PWWP3A: variants seen among roughly 807,000 people sequenced by gnomAD.
The protein encoded by PWWP3A is PWWP domain-containing DNA repair factor 3A.
Under a neutral mutation model 79.0 loss-of-function variants are expected in PWWP3A, and 53 were observed. That is an observed-to-expected ratio of 0.67 (90% CI 0.54 to 0.84). The LOEUF is 0.84. PWWP3A is among the 40% of genes least tolerant of loss of function. The probability of loss-of-function intolerance (pLI) is 0.00; values close to 1 mark genes in which losing one functional copy is unlikely to be tolerated. For synonymous variants in PWWP3A, 443 were observed against 394.4 expected, an observed-to-expected ratio of 1.12 and a Z score of -1.46; for missense variants, 973 against 948.0, an observed-to-expected ratio of 1.03 and a Z score of -0.35.
chr19:1,362,425 G>A (rs1242211549), intron 6 of PWWP3A, 74 bp downstream of exon 6: 13 of 1,172,754 alleles, frequency 1.1e-5, no homozygotes, highest in Admixed American at 8.6e-5. Context: ...CTCCGAGACC[G>A]GGCCCCACAT....
intron 9 of PWWP3A, among the ~76,000 whole-genome samples, 192 bp downstream of exon 9, chr19:1,367,412 C>A (rs2082152005): frequency 6.6e-6 from 1 of 152,238 alleles, no homozygotes; most frequent in Non-Finnish European, 1.5e-5. Context: ...TGAATTCTCA[C>A]AACTGTCCTG....
At chr19:1,376,390 G>T in intron 13 of PWWP3A, 129 bp from the exon 14 acceptor site, 1 of 603,032 alleles carries the variant, frequency 1.7e-6, no homozygotes, top group Non-Finnish European at 2.8e-6. Flanking sequence ...TCCTGACCTT[G>T]TGATCCGCCT....
chr19:1,370,618 C>T, intron 11 of PWWP3A, 24 bp from the exon 12 acceptor site: 1 of 1,444,506 alleles, frequency 6.9e-7, no homozygotes, highest in Non-Finnish European at 9.1e-7. Context: ...CGCGCTGGTC[C>T]CACGACAGGT....
rs556733850 is a variant in PWWP3A at position 1,366,201 on chromosome 19, T to C, written c.1285-104T>C. On this transcript the variant is annotated intron_variant, in intron 7 of 13. Transcript: ENST00000591337. ...ACTTCGCTGGGGTCACCCCCAGAGC[T>C]GGGGTCAGCGCCTGTTAGATGTATC... 344 of 762,998 alleles carry C rather than the reference T, an allele frequency of 4.5e-4. 2 individuals carry two copies. The African/African-American group carries it at 6.9e-3, about 15-fold the overall frequency. 47.3% of individuals were successfully genotyped at this position (762,998 alleles called of 1,614,324 possible). A position where few individuals can be genotyped will look rare whatever the true frequency, so the allele number is the denominator to read the frequency against.
chr19:1,375,426 AATAT>A (rs1227054935), intron 13 of PWWP3A, among the ~76,000 whole-genome samples: 1 of 74,964 alleles, frequency 1.3e-5, no homozygotes, highest in Non-Finnish European at 2.7e-5. Flanking sequence ...ATATATATAA[AATAT>A]ATATAGCCAT....
chr19:1,362,288 A>G lies in PWWP3A; in HGVS notation c.1150A>G (p.Met384Val). Residue 384 changes from methionine (M) to valine (V), a missense_variant, in exon 6 of 14, where the codon ATG (methionine) becomes GTG (valine). Coordinates refer to ENST00000591337, the MANE Select transcript of PWWP3A (RefSeq NM_001369789.1). ...SSEESMGSNSMRSILEEDEED... is the reference protein window; with the variant it reads ...SSEESMGSNSVRSILEEDEED... ...CGAAGAGTCCATGGGGTCTAATTCC[A>G]TGCGTTCTATCCTGGAGGAAGACGA... 1.9e-6 allele frequency: 3 copies of G among 1,614,116 alleles called. No homozygotes were observed. Among genetic ancestry groups the G allele is most frequent in the South Asian group, 1.1e-5 (1 of 91,076 alleles).
At position 1,358,410 on chromosome 19, in the gene PWWP3A, A is replaced by G. The variant is rs1248833176; in HGVS notation, c.160A>G (p.Thr54Ala). ...TCTCTGCAGAATTAAGGTGAAAAGC[A>G]CTGAAGTTGAGATCCTAGAGAAGTC... ...SLEEKIKVKSTEVEILEKSQI... is the reference protein window; with the variant it reads ...SLEEKIKVKSAEVEILEKSQI... Residue 54 changes from threonine to alanine, a missense_variant, in exon 4 of 14, where the codon ACT becomes GCT. Transcript: ENST00000591337. The G allele has an allele frequency of 6.2e-7, 1 of 1,614,152 alleles. No individual in the cohort carries two copies. The highest frequency in any genetic ancestry group is 2.2e-5 in the East Asian group (1 of 44,894).
chr19:1,364,412 G>A (rs2082085902), intron 6 of PWWP3A, 97 bp from the exon 7 acceptor site: 3 of 858,588 alleles, frequency 3.5e-6, no homozygotes, highest in Non-Finnish European at 5.6e-6. Context: ...ACAATATCGT[G>A]CTAACTGTGT....
At chr19:1,356,585 C>T (rs1288231265) in intron 2 of PWWP3A, 136 bp downstream of exon 2, 2 of 787,316 alleles carry the variant, frequency 2.5e-6, no homozygotes, top group Non-Finnish European at 2.0e-6. Flanking sequence ...GATTCTCGTT[C>T]CCCATTTAAT....
intron 6 of PWWP3A, among the ~76,000 whole-genome samples, chr19:1,362,812 G>A (rs1446195153): frequency 2.0e-5 from 3 of 152,228 alleles, no homozygotes; most frequent in Non-Finnish European, 4.4e-5. Context: ...CCTGTAAGTA[G>A]CTGCTTGCAC....
rs868786686 is a variant in PWWP3A, at chr19:1,361,033, G to A, written c.1111+1G>A. 1 of 1,426,412 alleles carries A rather than the reference G, an allele frequency of 7.0e-7. No homozygotes were observed. Among genetic ancestry groups the A allele is most frequent in the Non-Finnish European group, 9.2e-7 (1 of 1,087,930 alleles). The allele number at this position is 1,426,412 out of a possible 1,614,324, so 88.4% of individuals were successfully genotyped here. On this transcript the variant is annotated splice_donor_variant, in intron 5 of 13. Transcript: ENST00000591337. LOFTEE classifies it high-confidence loss of function. ...CCGGATTCCCAGAAGCTGGAGAAAG[G>A]TAAAAGTTTCTCGTGGAGGAGGAGA...
At position 1,356,442 on chromosome 19, in the gene PWWP3A, C is replaced by T. The variant is rs1431997636; in HGVS notation, c.50C>T (p.Pro17Leu). Residue 17 changes from proline (P) to leucine (L), a missense_variant, in exon 2 of 14, where the codon CCT (proline) becomes CTT (leucine). By Grantham distance (98) the Pro-to-Leu change is moderately conservative (BLOSUM62 -3). Transcript: ENST00000591337. ...VLCRWEKRLW[P>L]AKVLARTATS... ...TGCCGATGGGAAAAGCGATTATGGC[C>T]TGCGAAGGTGACAGCCATTATTCTG... 20 of 1,613,996 alleles carry T rather than the reference C, an allele frequency of 1.2e-5. No individual in the cohort carries two copies. The highest frequency in any genetic ancestry group is 1.5e-5 in the Non-Finnish European group (18 of 1,179,980).
At chr19:1,361,282 C>T (rs991991599) in intron 5 of PWWP3A, among the ~76,000 whole-genome samples, 5 of 152,288 alleles carry the variant, frequency 3.3e-5, no homozygotes, top group South Asian at 2.1e-4. Context: ...GTGGGGAGCC[C>T]GTAGAGGGGC....
At position 1,369,266 on chromosome 19, in the gene PWWP3A, A is replaced by G; in HGVS notation, c.1424A>G (p.Asn475Ser). 6.2e-7 allele frequency: 1 copy of G among 1,614,082 alleles called. No individual in the cohort carries two copies. Residue 475 changes from asparagine (N) to serine (S), a missense_variant and splice_region_variant, in exon 10 of 14, where the codon AAT (asparagine) becomes AGT (serine). Coordinates refer to ENST00000591337, the MANE Select transcript of PWWP3A (RefSeq NM_001369789.1). This position sits in a 1 kb window ranked among gnomAD's most constrained non-coding sequence, Gnocchi z 4.0. The part of the protein sequence containing the change: ...FDCKEKQTLL[N>S]QAREDFNQDI... ...CCTGCTGCCCGGATCTCATTGTAGAATCAAGCCAGGGAGGACTTCAACCAG... is the reference window on the plus strand; with the variant it reads ...CCTGCTGCCCGGATCTCATTGTAGAGTCAAGCCAGGGAGGACTTCAACCAG...
intron 6 of PWWP3A, chr19:1,364,068 C>A: frequency 4.2e-6 from 2 of 473,794 alleles, no homozygotes; most frequent in South Asian, 1.5e-5. Context: ...TTCCCAGAAT[C>A]CTCTTTAGAA....
At chr19:1,376,228 C>T (rs1408625740) in intron 13 of PWWP3A, among the ~76,000 whole-genome samples, 10 of 147,680 alleles carry the variant, frequency 6.8e-5, no homozygotes, top group Admixed American at 2.1e-4. Flanking sequence ...CGGTTTCAAG[C>T]GATTCTCCTA....
intron 11 of PWWP3A, among the ~76,000 whole-genome samples, chr19:1,370,093 C>T (rs1006727073): frequency 3.9e-5 from 6 of 152,214 alleles, no homozygotes; most frequent in East Asian, 3.9e-4. Flanking sequence ...ATGAGCTGGG[C>T]GTGTGGCTTG....
chr19:1,373,092 T>C lies in PWWP3A; in HGVS notation c.2007T>C (p.Ser669=). 1 of 1,614,250 alleles carries C rather than the reference T, an allele frequency of 6.2e-7. No individual in the cohort carries two copies. The highest frequency in any genetic ancestry group is 8.5e-7 in the Non-Finnish European group (1 of 1,180,044). The part of the protein sequence containing the change: ...LLPEAIICAI[S]AVDEVDYKTA... Reference sequence around the variant, plus strand: ...CACAGGCCATCATCTGTGCGATCTCTGCGGTGGACGAGGTGGACTACAAGA... The same window carrying C: ...CACAGGCCATCATCTGTGCGATCTCCGCGGTGGACGAGGTGGACTACAAGA... The change falls in exon 13 of 14, where the codon TCT becomes TCC. Residue 669 remains serine, a synonymous_variant. Coordinates refer to ENST00000591337, the MANE Select transcript of PWWP3A (RefSeq NM_001369789.1).
chr19:1,376,402 C>T, intron 13 of PWWP3A, 117 bp from the exon 14 acceptor site: 2 of 878,054 alleles, frequency 2.3e-6, no homozygotes, highest in African/African-American at 1.7e-5. Context: ...GATCCGCCTG[C>T]CTCGGCCTCC....
Sources: gnomAD v4.1 joint callset for allele counts (sites outside exome capture counted in the v4.1 genomes callset) on GRCh38, gnomAD v4.1.1 for gene constraint, Gnocchi (gnomAD v3.1) non-coding constraint, MANE v1.5 for transcripts, NCBI Gene and HGNC (gene_info 2026-07-23, HGNC 2026-07-21) for gene names.